GRIK1: variants seen among roughly 807,000 people sequenced by gnomAD.
The protein encoded by GRIK1 is glutamate receptor ionotropic, kainate 1.
A neutral mutation model predicts 105.7 loss-of-function variants in GRIK1; 69 were observed. The ratio of observed to expected loss-of-function variants is 0.65; its 90% CI spans 0.54 to 0.80. The LOEUF is 0.80. Ranked by LOEUF, GRIK1 falls within the 30% of genes least tolerant of loss-of-function variation. GRIK1 has a pLI of 0.00. For missense variants in GRIK1, 1,109 were observed against 1,167.3 expected (o/e 0.95, Z 0.73); for synonymous variants, 438 against 431.3 (o/e 1.02, Z -0.19).
chr21:29,650,532 G>A (rs569068240), intron 6 of GRIK1, among the ~76,000 whole-genome samples: 133 of 152,290 alleles, frequency 8.7e-4, no homozygotes, highest in African/African-American at 3.1e-3. Flanking sequence ...GAGGCAGTTC[G>A]CAATGTATCT....
chr21:29,622,451 G>A (rs565783836), intron 7 of GRIK1, among the ~76,000 whole-genome samples: 34 of 152,268 alleles, frequency 2.2e-4, no homozygotes, highest in African/African-American at 8.2e-4. Flanking sequence ...CACTATTGGT[G>A]TCCTGTCAAA....
At chr21:29,612,238 A>G (rs1483612296) in intron 7 of GRIK1, among the ~76,000 whole-genome samples, 1 of 152,138 alleles carries the variant, frequency 6.6e-6, no homozygotes, top group Non-Finnish European at 1.5e-5. Context: ...GTTTGTTGAA[A>G]CACCTCTAAT....
chr21:29,865,903 C>A (rs1048975142), intron 1 of GRIK1, among the ~76,000 whole-genome samples: 3 of 152,140 alleles, frequency 2.0e-5, no homozygotes, highest in African/African-American at 7.2e-5. Flanking sequence ...ATGGCAAAAG[C>A]CACAGCCCTA....
At chr21:29,882,973 G>A (rs2069478660) in intron 1 of GRIK1, among the ~76,000 whole-genome samples, 3 of 151,922 alleles carry the variant, frequency 2.0e-5, no homozygotes, top group South Asian at 2.1e-4. Flanking sequence ...AGCCCCCAAG[G>A]TCCTTGAAAC....
At chr21:29,680,887 C>A (rs2063359258) in intron 3 of GRIK1, among the ~76,000 whole-genome samples, 1 of 152,214 alleles carries the variant, frequency 6.6e-6, no homozygotes, top group African/African-American at 2.4e-5. Context: ...GTAATCCCAG[C>A]ACTTTGGGAG....
At chr21:29,755,113 T>C (rs1478784814) in intron 1 of GRIK1, among the ~76,000 whole-genome samples, 1 of 152,246 alleles carries the variant, frequency 6.6e-6, no homozygotes, top group East Asian at 1.9e-4. Context: ...ATTCTATATT[T>C]CTATCAGATT....
At chr21:29,735,776 A>C (rs2064774522) in intron 1 of GRIK1, among the ~76,000 whole-genome samples, 1 of 150,444 alleles carries the variant, frequency 6.6e-6, no homozygotes, top group Non-Finnish European at 1.5e-5. Context: ...ATGCACCTGT[A>C]GTCCCAGCTA....
chr21:29,907,377 A>G (rs531190519), intron 1 of GRIK1, among the ~76,000 whole-genome samples: 2 of 152,262 alleles, frequency 1.3e-5, no homozygotes, highest in South Asian at 4.1e-4. Context: ...AATGTTCTAG[A>G]TCATACAAAA....
At chr21:29,611,352 T>A (rs572584791) in intron 7 of GRIK1, among the ~76,000 whole-genome samples, 25 of 100,484 alleles carry the variant, frequency 2.5e-4, no homozygotes, top group African/African-American at 2.1e-3. Context: ...ATTTTGTCTT[T>A]AACTCAGATA....
chr21:29,938,082 C>T (rs2071835390), intron 1 of GRIK1, among the ~76,000 whole-genome samples: 1 of 152,096 alleles, frequency 6.6e-6, no homozygotes, highest in African/African-American at 2.4e-5. Context: ...TGGGCATGTT[C>T]AGTGATTAAA....
chr21:29,867,371 G>A (rs1022411744), intron 1 of GRIK1, among the ~76,000 whole-genome samples: 12 of 152,074 alleles, frequency 7.9e-5, no homozygotes, highest in African/African-American at 2.9e-4. Flanking sequence ...AGAAGATGAA[G>A]AGGACCAGGC....
At chr21:29,884,569 C>A (rs773573951) in intron 1 of GRIK1, among the ~76,000 whole-genome samples, 13 of 151,956 alleles carry the variant, frequency 8.6e-5, no homozygotes, top group Non-Finnish European at 1.8e-4. Context: ...TGACGTAAAA[C>A]ATAAGAAAAC....
At chr21:29,936,139 A>C (rs2071745870) in intron 1 of GRIK1, among the ~76,000 whole-genome samples, 1 of 152,232 alleles carries the variant, frequency 6.6e-6, no homozygotes, top group African/African-American at 2.4e-5. Context: ...GGACGTGGGA[A>C]TCAAACCTAT....
chr21:29,863,834 C>T (rs1407383719), intron 1 of GRIK1, among the ~76,000 whole-genome samples: 2 of 152,144 alleles, frequency 1.3e-5, no homozygotes, highest in African/African-American at 2.4e-5. Context: ...GTACAGATAG[C>T]TATCACACAT....
At chr21:29,553,747 T>C in intron 16 of GRIK1, 9 of 1,186,656 alleles carry the variant, frequency 7.6e-6, no homozygotes, top group Non-Finnish European at 9.6e-6. Flanking sequence ...GAAAAATGAA[T>C]AAATCAGAAG....
At chr21:29,890,318 C>A (rs1351363709) in intron 1 of GRIK1, among the ~76,000 whole-genome samples, 1 of 152,066 alleles carries the variant, frequency 6.6e-6, no homozygotes, top group Non-Finnish European at 1.5e-5. Context: ...TAAAATAAAT[C>A]AATTTTTCAC....
At chr21:29,645,825 G>A (rs989838754) in intron 6 of GRIK1, among the ~76,000 whole-genome samples, 5 of 152,222 alleles carry the variant, frequency 3.3e-5, no homozygotes, top group African/African-American at 1.2e-4. Flanking sequence ...TCTAAAGCCT[G>A]GATGAAATCA....
chr21:29,891,119 G>A (rs1031073141), intron 1 of GRIK1, among the ~76,000 whole-genome samples: 3 of 152,100 alleles, frequency 2.0e-5, no homozygotes, highest in Non-Finnish European at 4.4e-5. Context: ...TACAAGTTCT[G>A]TCAGAATGAA....
At chr21:29,769,551 T>C (rs2065760496) in intron 1 of GRIK1, among the ~76,000 whole-genome samples, 1 of 152,068 alleles carries the variant, frequency 6.6e-6, no homozygotes, top group African/African-American at 2.4e-5. Context: ...CAGTTCACAA[T>C]AGGGTTTGCG....
Sources: allele counts gnomAD v4.1 joint callset (sites outside exome capture counted in the v4.1 genomes callset), GRCh38; gene constraint gnomAD v4.1.1; transcripts MANE v1.5; gene names NCBI Gene and HGNC (gene_info 2026-07-23, HGNC 2026-07-21).